The following ATAD2B variants were observed in gnomAD, a reference collection of about 807,000 sequenced individuals.
ATAD2B encodes the protein ATPase family AAA domain-containing protein 2B.
In ATAD2B, 40 loss-of-function variants were observed where a neutral mutation model predicts 167.6. The ratio of observed to expected loss-of-function variants is 0.24; its 90% CI spans 0.19 to 0.31. The LOEUF is 0.31. ATAD2B is among the 10% of genes least tolerant of loss of function. The pLI is 1.00. For missense variants in ATAD2B, 1,242 were observed against 1,757.2 expected, an observed-to-expected ratio of 0.71 and a Z score of 5.24; for synonymous variants, 579 against 596.5, an observed-to-expected ratio of 0.97 and a Z score of 0.43.
At chr2:23,694,575 G>A in the ATAD2B span, among the ~76,000 whole-genome samples, 5 of 152,206 alleles carry the variant, frequency 3.3e-5, no homozygotes, top group Admixed American at 2.0e-4. Flanking sequence ...TTGAGCATGA[G>A]CATGAGCTGG....
Position 23,926,592 on chromosome 2 carries a change from C to T in ATAD2B, c.179G>A (p.Gly60Glu), listed in dbSNP as rs1285869492. ...AASCPAAKAG[G>E]SGGAGVTLDE... ...CAGAGTGACGCCGGCGCCACCGCTT[C>T]CCCCGGCTTTGGCGGCGGGGCAGCT... The change falls in exon 1 of 28, where the codon GGA (glycine) becomes GAA (glutamate). Residue 60 changes from glycine (G) to glutamate (E), a missense_variant. Gly to Glu is a moderately conservative substitution (Grantham distance 98). This residue lies in a region of ATAD2B where 199 missense variants were observed against 194.9 expected (regional missense o/e 1.02). Coordinates refer to ENST00000238789, the MANE Select transcript of ATAD2B (RefSeq NM_017552.4). 1.9e-6 allele frequency: 3 copies of T among 1,560,254 alleles called. No homozygotes were observed. The highest frequency in any genetic ancestry group is 1.9e-5 in the Admixed American group (1 of 52,328).
chr2:23,769,169 G>A (rs562482629), intron 22 of ATAD2B, among the ~76,000 whole-genome samples: 35 of 152,054 alleles, frequency 2.3e-4, no homozygotes, highest in Admixed American at 7.9e-4. Flanking sequence ...GGCCGAGCAC[G>A]GGGGCTCACG....
chr2:23,861,416 G>A (rs1357195707), intron 12 of ATAD2B, among the ~76,000 whole-genome samples: 1 of 149,710 alleles, frequency 6.7e-6, no homozygotes, highest in Non-Finnish European at 1.5e-5. Flanking sequence ...ATACACTGTA[G>A]TGCCTTCATT....
chr2:23,693,171 A>C, the ATAD2B span: 1 of 1,365,850 alleles, frequency 7.3e-7, no homozygotes, highest in Non-Finnish European at 9.8e-7. Flanking sequence ...GTCCCCCGGG[A>C]TGTGGGTTCA....
chr2:23,684,454 A>T, the ATAD2B span: 1 of 1,550,904 alleles, frequency 6.4e-7, no homozygotes, highest in Admixed American at 2.0e-5. This position sits in a 1 kb window ranked among gnomAD's most constrained non-coding sequence, Gnocchi z 4.4. Flanking sequence ...CAGACCTGAA[A>T]ATTGTTGTTG....
In ATAD2B at chr2:23,823,300, C is replaced by G; in HGVS notation, c.2089G>C (p.Val697Leu). ...TGGCTAATTTCAGCATGAGGAAACACTTTTTGCAAGACTGCTAGGATGTTG... is the reference window on the plus strand; with the variant it reads ...TGGCTAATTTCAGCATGAGGAAACAGTTTTTGCAAGACTGCTAGGATGTTG... ...FNNILAVLQK[V>L]FPHAEISQSD... The change falls in exon 16 of 28, where the codon GTG becomes CTG. Residue 697 changes from valine to leucine, a missense_variant. Physicochemically the swap from Val to Leu is conservative, Grantham distance 32. Transcript: ENST00000238789. 1.9e-6 allele frequency: 3 copies of G among 1,613,346 alleles called. No individual in the cohort carries two copies. The highest frequency in any genetic ancestry group is 2.5e-6 in the Non-Finnish European group (3 of 1,179,514).
chr2:23,862,776 A>G (rs540950872), intron 12 of ATAD2B, among the ~76,000 whole-genome samples: 1 of 144,618 alleles, frequency 6.9e-6, no homozygotes, highest in African/African-American at 2.9e-5. Flanking sequence ...CAGATACTTA[A>G]GTTTTTATGC....
intron 1 of ATAD2B, among the ~76,000 whole-genome samples, chr2:23,902,457 A>G (rs1700959122): frequency 6.6e-6 from 1 of 152,092 alleles, no homozygotes; most frequent in Non-Finnish European, 1.5e-5. Flanking sequence ...CTACCTACAA[A>G]CCTGATGCTA....
chr2:23,851,092 C>A (rs1051440825), intron 13 of ATAD2B, among the ~76,000 whole-genome samples: 2 of 152,200 alleles, frequency 1.3e-5, no homozygotes, highest in African/African-American at 4.8e-5. Context: ...ACATCCCAGC[C>A]TCCAGAAATA....
the ATAD2B span, chr2:23,696,547 C>T: frequency 6.9e-7 from 1 of 1,453,974 alleles, no homozygotes; most frequent in Non-Finnish European, 9.2e-7. This position sits in a 1 kb window ranked among gnomAD's most constrained non-coding sequence, Gnocchi z 5.5. Flanking sequence ...GGGGCATGCT[C>T]TTTGCTCACC....
chr2:23,773,034 G>C (rs1015349627), intron 22 of ATAD2B, among the ~76,000 whole-genome samples: 2 of 152,166 alleles, frequency 1.3e-5, no homozygotes, highest in South Asian at 4.1e-4. Flanking sequence ...GGGCCACTGT[G>C]CCGGGCCAAG....
At chr2:23,743,913 G>A (rs1232294638), downstream of ATAD2B, among the ~76,000 whole-genome samples, 1 of 151,924 alleles carries the variant, frequency 6.6e-6, no homozygotes, top group Non-Finnish European at 1.5e-5. Flanking sequence ...GGCGTGCTGG[G>A]TTCAAACTCA....
chr2:23,710,117 A>AT, the ATAD2B span, among the ~76,000 whole-genome samples: 1 of 152,034 alleles, frequency 6.6e-6, no homozygotes, highest in Non-Finnish European at 1.5e-5. Flanking sequence ...CATGTGTATG[A>AT]TTTTTTTTAA....
intron 19 of ATAD2B, among the ~76,000 whole-genome samples, chr2:23,793,503 A>G (rs1311465271): frequency 6.6e-6 from 1 of 152,208 alleles, no homozygotes; most frequent in Non-Finnish European, 1.5e-5. Context: ...TATATCTCAA[A>G]TAAAATTCTC....
chr2:23,787,177 AG>A lies in ATAD2B; in HGVS notation c.2777-955del, dbSNP rs542682983. On this transcript the variant is annotated intron_variant, in intron 20 of 27. Transcript: ENST00000238789. ...AAGAAAAACAAAAAATCTTCTTAAA[AG>A]GTAAAGTATTAACTTTCCTAATTAC... Among the ~76,000 whole-genome samples, 34 of 152,186 alleles carry A rather than the reference AG, an allele frequency of 2.2e-4. 1 individual carries two copies. The highest frequency in any genetic ancestry group is 7.9e-4 in the African/African-American group (33 of 41,570).
At chr2:23,885,260 A>G (rs774516869) in intron 5 of ATAD2B, among the ~76,000 whole-genome samples, 3 of 152,232 alleles carry the variant, frequency 2.0e-5, no homozygotes, top group African/African-American at 7.2e-5. Context: ...AAGGGAAGAG[A>G]GGCAGTATCT....
At position 23,805,651 on chromosome 2, in the gene ATAD2B, T is replaced by C. The variant is rs183077107; in HGVS notation, c.2454+4665A>G. 6.3e-3 allele frequency among the ~76,000 whole-genome samples: 967 copies of C among 152,324 alleles called. 4 individuals are homozygous for C. The highest frequency in any genetic ancestry group is 0.022 in the African/African-American group (925 of 41,576). On this transcript the variant is annotated intron_variant, in intron 18 of 27. Coordinates refer to ENST00000238789, the MANE Select transcript of ATAD2B (RefSeq NM_017552.4). ...GGTCAAAAGGTATATGTATTTGAAA[T>C]GTTATTTTCTTTTCTCACACTACAC...
chr2:23,925,765 C>T (rs1171941016), intron 1 of ATAD2B, among the ~76,000 whole-genome samples: 1 of 152,198 alleles, frequency 6.6e-6, no homozygotes, highest in East Asian at 1.9e-4. Context: ...CTATGGTGTT[C>T]ATTCACCTTT....
At chr2:23,818,619 T>C (rs1437959263) in intron 17 of ATAD2B, among the ~76,000 whole-genome samples, 1 of 152,090 alleles carries the variant, frequency 6.6e-6, no homozygotes, top group African/African-American at 2.4e-5. Context: ...CAAATCAACA[T>C]TTCACCAAAA....
Sources: allele counts gnomAD v4.1 joint callset (sites outside exome capture counted in the v4.1 genomes callset), GRCh38; gene constraint gnomAD v4.1.1; regional missense constraint gnomAD v4.1.1; non-coding constraint Gnocchi (gnomAD v3.1); transcripts MANE v1.5; gene names NCBI Gene and HGNC (gene_info 2026-07-23, HGNC 2026-07-21).